GRIK1: variants seen among roughly 807,000 people sequenced by gnomAD.
GRIK1 encodes the protein glutamate ionotropic receptor kainate type subunit 1, also known as glutamate receptor ionotropic, kainate 1.
In GRIK1, 69 loss-of-function variants were observed where a neutral mutation model predicts 105.7. That is an observed-to-expected ratio of 0.65 (90% confidence interval 0.54 to 0.80). The LOEUF is 0.80. Ranked by LOEUF, GRIK1 falls within the 30% of genes least tolerant of loss-of-function variation. The pLI, the probability that GRIK1 is intolerant of heterozygous loss-of-function variation, is 0.00. For missense variants in GRIK1, 1,109 were observed against 1,167.3 expected (o/e 0.95, Z 0.73); for synonymous variants, 438 against 431.3 (o/e 1.02, Z -0.19).
chr21:29,600,965 C>T (rs981224435), intron 7 of GRIK1, among the ~76,000 whole-genome samples: 1 of 152,224 alleles, frequency 6.6e-6, no homozygotes, highest in Admixed American at 6.5e-5. Flanking sequence ...ACAAATTAGT[C>T]TAAACCTTGA....
chr21:29,628,386 C>T (rs2062182036), intron 7 of GRIK1, among the ~76,000 whole-genome samples: 1 of 152,094 alleles, frequency 6.6e-6, no homozygotes, highest in African/African-American at 2.4e-5. Flanking sequence ...CTGTTTATAA[C>T]CCATTATCTT....
At chr21:29,618,193 T>C (rs550417649) in intron 7 of GRIK1, among the ~76,000 whole-genome samples, 1 of 152,250 alleles carries the variant, frequency 6.6e-6, no homozygotes, top group Admixed American at 6.5e-5. Context: ...TCCCTATTAA[T>C]GTACACATGG....
In GRIK1 at chr21:29,640,329, G is replaced by A. The variant is rs546355963; in HGVS notation, c.1098+2497C>T. 3.9e-5 allele frequency among the ~76,000 whole-genome samples: 6 copies of A among 152,180 alleles called. No homozygotes were observed. In the East Asian group the frequency reaches 1.2e-3, roughly 29 times the overall value. On this transcript the variant is annotated intron_variant, in intron 7 of 17. Coordinates refer to ENST00000327783, the MANE Select transcript of GRIK1 (RefSeq NM_001330994.2). ...TAGGTTGTCTCAGAATTTCCTCAGT[G>A]CCAGTCCTCCAGCAGGCTGAGGCAT...
chr21:29,869,213 G>C (rs2068927944), intron 1 of GRIK1, among the ~76,000 whole-genome samples: 1 of 152,044 alleles, frequency 6.6e-6, no homozygotes, highest in African/African-American at 2.4e-5. Context: ...ATTTTTACTG[G>C]TCTTTATTTT....
At chr21:29,867,324 T>TA (rs1275357424) in intron 1 of GRIK1, among the ~76,000 whole-genome samples, 1 of 151,796 alleles carries the variant, frequency 6.6e-6, no homozygotes, top group Admixed American at 6.6e-5. Flanking sequence ...AAACTAAGCT[T>TA]AAAAAATAGA....
At chr21:29,858,383 T>C (rs2068530600) in intron 1 of GRIK1, among the ~76,000 whole-genome samples, 1 of 152,110 alleles carries the variant, frequency 6.6e-6, no homozygotes, top group African/African-American at 2.4e-5. Flanking sequence ...CAGTACCAGG[T>C]CCTATGTCAG....
intron 1 of GRIK1, among the ~76,000 whole-genome samples, chr21:29,774,845 C>G (rs1262981354): frequency 6.6e-6 from 1 of 152,104 alleles, no homozygotes; most frequent in Non-Finnish European, 1.5e-5. Flanking sequence ...GCTTGCACAT[C>G]GGAGGACGCT....
At chr21:29,614,402 CTTTTTTTTTTTTTT>C (rs35063316) in intron 7 of GRIK1, among the ~76,000 whole-genome samples, 7,622 of 83,376 alleles carry the variant, frequency 0.091, 349 homozygotes, top group Admixed American at 0.19. Flanking sequence ...TAAAATCCCT[CTTTTTTTTTTTTTT>C]TTTTTTTTTT....
At chr21:29,896,460 T>C (rs1194271323) in intron 1 of GRIK1, among the ~76,000 whole-genome samples, 1 of 152,182 alleles carries the variant, frequency 6.6e-6, no homozygotes, top group Non-Finnish European at 1.5e-5. Context: ...TGGGGAATTT[T>C]GTCTGTCTTG....
chr21:29,741,332 T>C (rs750203317), intron 1 of GRIK1, among the ~76,000 whole-genome samples: 2 of 152,140 alleles, frequency 1.3e-5, no homozygotes, highest in Non-Finnish European at 2.9e-5. Flanking sequence ...TAATTTATGT[T>C]TTTTTTAAAT....
At chr21:29,693,556 T>C (rs535579115) in intron 2 of GRIK1, among the ~76,000 whole-genome samples, 5 of 152,252 alleles carry the variant, frequency 3.3e-5, no homozygotes, top group South Asian at 4.1e-4. Flanking sequence ...CCTTCCATAA[T>C]GTTTTATTTG....
intron 15 of GRIK1, among the ~76,000 whole-genome samples, chr21:29,561,341 T>G (rs544854963): frequency 1.3e-4 from 20 of 152,312 alleles, no homozygotes; most frequent in African/African-American, 4.6e-4. Context: ...TAGAAATATA[T>G]TCTCTTTAAG....
At chr21:29,769,322 C>T (rs760956750) in intron 1 of GRIK1, among the ~76,000 whole-genome samples, 22 of 152,206 alleles carry the variant, frequency 1.4e-4, no homozygotes, top group African/African-American at 2.4e-4. Context: ...GAGACAGACG[C>T]GTACAGAGAG....
intron 1 of GRIK1, among the ~76,000 whole-genome samples, chr21:29,830,949 A>G (rs764209014): frequency 6.6e-6 from 1 of 152,146 alleles, no homozygotes; most frequent in Non-Finnish European, 1.5e-5. Context: ...GGTCACCATA[A>G]TCATTCAGTT....
At chr21:29,728,669 A>G (rs1316370068) in intron 1 of GRIK1, among the ~76,000 whole-genome samples, 1 of 152,234 alleles carries the variant, frequency 6.6e-6, no homozygotes, top group Non-Finnish European at 1.5e-5. Context: ...TAACTGATGG[A>G]CGTTCACCAT....
At chr21:29,773,338 A>G (rs2065861172) in intron 1 of GRIK1, among the ~76,000 whole-genome samples, 1 of 152,188 alleles carries the variant, frequency 6.6e-6, no homozygotes, top group Non-Finnish European at 1.5e-5. Context: ...TGAAAATAGT[A>G]TTTCAAAATA....
intron 1 of GRIK1, among the ~76,000 whole-genome samples, chr21:29,863,707 T>G (rs2068718533): frequency 6.6e-6 from 1 of 152,206 alleles, no homozygotes; most frequent in South Asian, 2.1e-4. Flanking sequence ...AGTATTTTCA[T>G]GATTACAACT....
At chr21:29,649,780 C>T (rs1226593135) in intron 6 of GRIK1, among the ~76,000 whole-genome samples, 1 of 152,104 alleles carries the variant, frequency 6.6e-6, no homozygotes, top group African/African-American at 2.4e-5. Flanking sequence ...GTTAACATAG[C>T]TTCAAACTGT....
intron 13 of GRIK1, among the ~76,000 whole-genome samples, chr21:29,581,011 C>G (rs2091013433): frequency 6.6e-6 from 1 of 151,968 alleles, no homozygotes; most frequent in African/African-American, 2.4e-5. Context: ...AGGTGGAAGT[C>G]CTAGGTAAGG....
Sources: gnomAD v4.1 joint callset for allele counts (sites outside exome capture counted in the v4.1 genomes callset) on GRCh38, gnomAD v4.1.1 for gene constraint, MANE v1.5 for transcripts, NCBI Gene and HGNC (gene_info 2026-07-23, HGNC 2026-07-21) for gene names.